Variants in GBP2 observed in about 807,000 individuals in gnomAD.
GBP2 encodes the protein guanylate-binding protein 2.
Under a neutral mutation model 60.8 loss-of-function variants are expected in GBP2, and 54 were observed. The ratio of observed to expected loss-of-function variants is 0.89; its 90% CI spans 0.71 to 1.11. The LOEUF (loss-of-function observed/expected upper bound fraction) is 1.11, where lower values mean the gene tolerates loss of function less well. GBP2 is among the 50% of genes most tolerant of loss of function. The pLI, the probability that GBP2 is intolerant of heterozygous loss-of-function variation, is 0.00. For synonymous variants in GBP2, 243 were observed against 256.5 expected, an observed-to-expected ratio of 0.95 and a Z score of 0.50; for missense variants, 665 against 703.3, an observed-to-expected ratio of 0.95 and a Z score of 0.62.
At chr1:89,125,477 T>C (rs552076023) in intron 1 of GBP2, among the ~76,000 whole-genome samples, 2 of 152,330 alleles carry the variant, frequency 1.3e-5, no homozygotes, top group African/African-American at 4.8e-5. Flanking sequence ...AAAGACTGTA[T>C]AAGCTCCCTA....
At chr1:89,121,050 G>C in intron 3 of GBP2, 93 bp downstream of exon 3, 2 of 864,408 alleles carry the variant, frequency 2.3e-6, no homozygotes, top group South Asian at 1.6e-5. Context: ...CAAGGAGTAG[G>C]AGTGATTGTG....
In GBP2 at chr1:89,117,014, A is replaced by G. The variant is rs775965374; in HGVS notation, c.846T>C (p.Gly282=). 1 of 1,614,018 alleles carries G rather than the reference A, an allele frequency of 6.2e-7. No individual in the cohort carries two copies. The highest frequency in any genetic ancestry group is 1.1e-5 in the South Asian group (1 of 91,080). The change falls in exon 6 of 11, where the codon GGT becomes GGC. Residue 282 remains glycine (G), a synonymous_variant. Coordinates refer to ENST00000370466, the MANE Select transcript of GBP2 (RefSeq NM_004120.5). ...LSHSNVKTLS[G]GIPVNGPRLE... The stretch of plus-strand genomic sequence containing the variant: ...CACGAGGCCCATTGACTGGAATGCC[A>G]CCTGAAAGAGTCTTGACATTGGAAT...
In GBP2 at chr1:89,112,552, G is replaced by A; in HGVS notation, c.1282C>T (p.Pro428Ser). The A allele has an allele frequency of 6.2e-7, 1 of 1,614,146 alleles. No homozygotes were observed. Among genetic ancestry groups the A allele is most frequent in the Non-Finnish European group, 8.5e-7 (1 of 1,180,010 alleles). Residue 428 changes from proline (P) to serine (S), a missense_variant, in exon 8 of 11, where the codon CCA (proline) becomes TCA (serine). By Grantham distance (74) the Pro-to-Ser change is moderately conservative. Transcript: ENST00000370466. ...EDVKQGTFSK[P>S]GGYRLFTQKL... is the part of the protein sequence containing the mutation. ...TGAGTAAAGAGACGGTAACCTCCTG[G>A]TTTAGAAAATGTTCCCTGCTTGACA...
At chr1:89,123,444 T>C (rs1241457421) in intron 1 of GBP2, among the ~76,000 whole-genome samples, 3 of 152,242 alleles carry the variant, frequency 2.0e-5, no homozygotes, top group Non-Finnish European at 4.4e-5. Context: ...CTTATTCATG[T>C]TTTCCCCTTG....
chr1:89,117,769 C>T lies in GBP2; in HGVS notation c.433G>A (p.Val145Met), dbSNP rs1254337950. ...NQQAMDQLHY[V>M]TELTDRIKAN... Reference sequence around the variant, plus strand: ...TTGATTCGATCTGTCAGCTCTGTCACATAGCTGAGATGCTAAATTAAGAAA... The same window carrying T: ...TTGATTCGATCTGTCAGCTCTGTCATATAGCTGAGATGCTAAATTAAGAAA... The change falls in exon 5 of 11, where the codon GTG (valine) becomes ATG (methionine). Residue 145 changes from valine (V) to methionine (M), a missense_variant. Coordinates refer to ENST00000370466, the MANE Select transcript of GBP2 (RefSeq NM_004120.5). 1.9e-6 allele frequency: 3 copies of T among 1,601,874 alleles called. No homozygotes were observed. The highest frequency in any genetic ancestry group is 2.6e-6 in the Non-Finnish European group (3 of 1,174,784).
chr1:89,109,413 T>G (rs1018112215), intron 10 of GBP2, among the ~76,000 whole-genome samples: 3 of 152,168 alleles, frequency 2.0e-5, no homozygotes, highest in Non-Finnish European at 4.4e-5. Flanking sequence ...TAAAGGAAAA[T>G]TTGATCACAT....
intron 3 of GBP2, 63 bp downstream of exon 3, chr1:89,121,080 G>A: frequency 7.3e-7 from 1 of 1,363,548 alleles, no homozygotes; most frequent in Non-Finnish European, 1.0e-6. Flanking sequence ...TTATCGATCT[G>A]ACCTGGTTTA....
rs1557442307 is a variant in GBP2, at chr1:89,120,243, G to A, written c.364C>T (p.Leu122=). 1 of 1,614,006 alleles carries A rather than the reference G, an allele frequency of 6.2e-7. No homozygotes were observed. Among genetic ancestry groups the A allele is most frequent in the African/African-American group, 1.3e-5 (1 of 75,024 alleles). The change falls in exon 4 of 11, where the codon CTG becomes TTG. Residue 122 remains leucine (L), a synonymous_variant. Coordinates refer to ENST00000370466, the MANE Select transcript of GBP2 (RefSeq NM_004120.5). ...DSWIFALAIL[L]SSTFVYNSMG... is the part of the protein sequence containing the mutation. ...CTATTGTACACGAAGGTGCTGCTCA[G>A]GAGGATGGCCAAGGCAAAGATCCAG...
chr1:89,116,660 C>T (rs1681278783), intron 6 of GBP2, among the ~76,000 whole-genome samples: 2 of 152,090 alleles, frequency 1.3e-5, no homozygotes, highest in South Asian at 2.1e-4. Context: ...GTCTCACTTA[C>T]ATATAGTATT....
intron 10 of GBP2, among the ~76,000 whole-genome samples, chr1:89,109,141 C>G (rs1258020486): frequency 6.6e-6 from 1 of 151,972 alleles, no homozygotes; most frequent in Non-Finnish European, 1.5e-5. Context: ...GTGATCCGCC[C>G]CCGTCGGCCT....
At chr1:89,110,129 T>C (rs1178954035) in intron 9 of GBP2, 35 bp downstream of exon 9, 17 of 1,488,464 alleles carry the variant, frequency 1.1e-5, no homozygotes, top group Non-Finnish European at 1.6e-5. Context: ...TTTGAGAGCT[T>C]TCCGACCATG....
In GBP2 at chr1:89,106,353, T is replaced by C. The variant is rs1185592447; in HGVS notation, c.*1822A>G. 6.6e-6 allele frequency: 1 copy of C among 152,210 alleles called. No individual in the cohort carries two copies. Among genetic ancestry groups the C allele is most frequent in the African/African-American group, 2.4e-5 (1 of 41,452 alleles). 9.4% of individuals were successfully genotyped at this position (152,210 alleles called of 1,614,324 possible). ...AGGCATAAACAAGATAGATCTTAAA[T>C]ACAAATGAACTAATATGTTAAATTG... On this transcript the variant is annotated 3_prime_UTR_variant, in exon 11 of 11. Coordinates refer to ENST00000370466, the MANE Select transcript of GBP2 (RefSeq NM_004120.5).
rs763592090 is a variant in GBP2, at chr1:89,121,132, A to AT, written c.318+10dup. On this transcript the variant is annotated intron_variant, in intron 3 of 10. Transcript: ENST00000370466. ...CCTAAGTGAAATTTTTAAAATACTT[A>AT]TTTTTTTTACCTTCTCTATATCTCC... is the stretch of plus-strand genomic sequence containing the variant. The AT allele has an allele frequency of 2.6e-4, 418 of 1,605,068 alleles. 17 individuals carry two copies. Among genetic ancestry groups the AT allele is most frequent in the African/African-American group, 1.1e-3 (83 of 74,578 alleles).
chr1:89,123,639 C>G (rs1330313733), intron 1 of GBP2, among the ~76,000 whole-genome samples: 1 of 152,234 alleles, frequency 6.6e-6, no homozygotes, highest in East Asian at 1.9e-4. Flanking sequence ...AGTCAAAACA[C>G]TGTATTCCAA....
At chr1:89,109,587 T>A (rs1291730133) in intron 10 of GBP2, 90 bp downstream of exon 10, 33 of 1,157,852 alleles carry the variant, frequency 2.9e-5, no homozygotes, top group Non-Finnish European at 3.8e-5. Context: ...GGCTAGAAAG[T>A]TTTTTTGGGA....
At chr1:89,123,700 T>G (rs10922574) in intron 1 of GBP2, among the ~76,000 whole-genome samples, 1 of 152,096 alleles carries the variant, frequency 6.6e-6, no homozygotes, top group Non-Finnish European at 1.5e-5. Context: ...GTAGTTAAAT[T>G]ATTTATTTGT....
rs758100201 is a variant in GBP2 at position 89,117,581 on chromosome 1, T to C, written c.621A>G (p.Arg207=). 2.2e-5 allele frequency: 36 copies of C among 1,612,504 alleles called. No homozygotes were observed. In the Middle Eastern group the frequency reaches 1.8e-3, roughly 81 times the overall value. Residue 207 remains arginine (R), a synonymous_variant, in exon 5 of 11, where the codon AGA becomes AGG. Transcript: ENST00000370466. ...CCAAGCATCAGACCCAGTAACCTTT[T>C]CTTAGCTTTAGCGAAAGCTCCAAGT... is the stretch of plus-strand genomic sequence containing the variant. The part of the protein sequence containing the change: ...DDYLELSLKL[R]KGTDKKSKSF...
At chr1:89,123,365 G>C (rs367661659) in intron 1 of GBP2, among the ~76,000 whole-genome samples, 1 of 151,904 alleles carries the variant, frequency 6.6e-6, no homozygotes, top group Non-Finnish European at 1.5e-5. Context: ...TTTATTTCTC[G>C]TCTATCTGTT....
chr1:89,124,916 G>T (rs1243422593), intron 1 of GBP2, among the ~76,000 whole-genome samples: 1 of 152,164 alleles, frequency 6.6e-6, no homozygotes, highest in Non-Finnish European at 1.5e-5. Context: ...AGGTAATGAA[G>T]CCAGCATCAG....
Sources: allele counts gnomAD v4.1 joint callset (sites outside exome capture counted in the v4.1 genomes callset), GRCh38; gene constraint gnomAD v4.1.1; transcripts MANE v1.5; gene names NCBI Gene and HGNC (gene_info 2026-07-23, HGNC 2026-07-21).